Variants in GUCY2F observed in about 807,000 individuals in gnomAD.
GUCY2F encodes guanylate cyclase 2F, retinal.
In GUCY2F, 61 loss-of-function variants were observed where a neutral mutation model predicts 73.1. That is an observed-to-expected ratio of 0.83 (90% CI 0.68 to 1.03). The LOEUF (loss-of-function observed/expected upper bound fraction) is 1.03. Ranked by LOEUF, GUCY2F falls within the 50% of genes least tolerant of loss-of-function variation. GUCY2F has a pLI of 0.00. For missense variants in GUCY2F, 912 were observed against 854.3 expected, an observed-to-expected ratio of 1.07 and a Z score of -0.84; for synonymous variants, 331 against 307.8, an observed-to-expected ratio of 1.08 and a Z score of -0.79.
chrX:109,421,788 A>T (rs1055438927), intron 8 of GUCY2F, among the ~76,000 whole-genome samples: 2 of 111,529 alleles, frequency 1.8e-5, no homozygotes, highest in African/African-American at 6.5e-5. Context: ...TAGTTGCCTT[A>T]TTCATAAAAT....
intron 6 of GUCY2F, among the ~76,000 whole-genome samples, chrX:109,444,521 T>C (rs889583022): frequency 8.9e-6 from 1 of 111,953 alleles, no homozygotes; most frequent in Non-Finnish European, 1.9e-5. Context: ...AATTACAGTC[T>C]AGTGTCTTTA....
intron 8 of GUCY2F, among the ~76,000 whole-genome samples, chrX:109,429,481 G>C (rs1328269908): frequency 1.8e-5 from 2 of 110,946 alleles, no homozygotes; most frequent in Admixed American, 9.5e-5. Context: ...CTAACCTATA[G>C]GGCATGTCCT....
At chrX:109,445,554 G>A (rs1569369895) in intron 6 of GUCY2F, among the ~76,000 whole-genome samples, 1 of 111,846 alleles carries the variant, frequency 8.9e-6, no homozygotes, top group Non-Finnish European at 1.9e-5. Flanking sequence ...GGTATCCCAG[G>A]GATGAAGCCC....
intron 2 of GUCY2F, among the ~76,000 whole-genome samples, chrX:109,472,885 C>T (rs1932604143): frequency 8.9e-6 from 1 of 111,739 alleles, no homozygotes; most frequent in African/African-American, 3.3e-5. Context: ...ACACTCACTC[C>T]CCTTCCACCA....
At chrX:109,431,911 AAAAAAAAAAAAG>A (rs1406807035) in intron 7 of GUCY2F, among the ~76,000 whole-genome samples, 1 of 108,328 alleles carries the variant, frequency 9.2e-6, no homozygotes, top group African/African-American at 3.4e-5. Context: ...AGCTGGAAAA[AAAAAAAAAAAAG>A]AAAAAAAACT....
intron 5 of GUCY2F, among the ~76,000 whole-genome samples, chrX:109,450,410 G>A (rs1392848227): frequency 4.5e-5 from 5 of 111,355 alleles, no homozygotes; most frequent in African/African-American, 6.5e-5. Flanking sequence ...CAGTTGCGGC[G>A]GTTGACAAGT....
At chrX:109,441,741 C>T (rs775982624) in intron 6 of GUCY2F, among the ~76,000 whole-genome samples, 11 of 108,058 alleles carry the variant, frequency 1.0e-4, no homozygotes, top group Non-Finnish European at 1.9e-4. Context: ...CAGATGGGGG[C>T]AAGAAAGAAT....
intron 8 of GUCY2F, among the ~76,000 whole-genome samples, chrX:109,420,396 G>A (rs920118826): frequency 3.7e-5 from 4 of 107,566 alleles, no homozygotes; most frequent in Non-Finnish European, 5.8e-5. Context: ...AAGAAAGTAG[G>A]AGGGACAAAG....
At chrX:109,437,151 A>C (rs950680015) in intron 7 of GUCY2F, among the ~76,000 whole-genome samples, 1 of 111,135 alleles carries the variant, frequency 9.0e-6, no homozygotes, top group Non-Finnish European at 1.9e-5. Flanking sequence ...GTCCTCTTTA[A>C]CCTCTTTAGT....
intron 2 of GUCY2F, among the ~76,000 whole-genome samples, chrX:109,472,672 G>A (rs1191796823): frequency 8.9e-6 from 1 of 112,117 alleles, no homozygotes; most frequent in African/African-American, 3.2e-5. Context: ...TGTACTCACT[G>A]GCTTCTGGCT....
At chrX:109,431,357 G>A (rs1172551858) in intron 7 of GUCY2F, among the ~76,000 whole-genome samples, 3 of 111,904 alleles carry the variant, frequency 2.7e-5, no homozygotes, top group South Asian at 3.7e-4. Flanking sequence ...TTGTCATCAA[G>A]TAGAGATAAT....
intron 7 of GUCY2F, among the ~76,000 whole-genome samples, chrX:109,432,818 A>G (rs1332992535): frequency 8.9e-6 from 1 of 112,231 alleles, no homozygotes; most frequent in Non-Finnish European, 1.9e-5. Context: ...GTCAGGCTTT[A>G]GGAGAGGGGG....
At chrX:109,466,334 C>A (rs1051673518) in intron 2 of GUCY2F, among the ~76,000 whole-genome samples, 1 of 111,504 alleles carries the variant, frequency 9.0e-6, no homozygotes, top group Non-Finnish European at 1.9e-5. Flanking sequence ...ATTTCAGATT[C>A]TCAGATTAAG....
chrX:109,446,522 G>A (rs1932014715), intron 6 of GUCY2F, among the ~76,000 whole-genome samples: 1 of 110,027 alleles, frequency 9.1e-6, no homozygotes, highest in Non-Finnish European at 1.9e-5. Context: ...CAAGAAATGG[G>A]GAAAGGATTC....
At position 109,409,152 on chromosome X, in the gene GUCY2F, T is replaced by G; in HGVS notation, c.1808A>C (p.His603Pro). 9.0e-7 allele frequency: 1 copy of G among 1,107,551 alleles called. No homozygotes were observed. Among genetic ancestry groups the G allele is most frequent in the Non-Finnish European group, 1.2e-6 (1 of 802,043 alleles). 91.3% of individuals were successfully genotyped at this position (1,107,551 alleles called of 1,213,427 possible). A position where few individuals can be genotyped will look rare whatever the true frequency, so the allele number is the denominator to read the frequency against. Residue 603 changes from histidine (H) to proline (P), a missense_variant, in exon 9 of 20, where the codon CAT (histidine) becomes CCT (proline). By Grantham distance (77) the His-to-Pro change is moderately conservative. Transcript: ENST00000218006. ...ACCCAATAAAGGGTTAATATTCTCA[T>G]GACGCAAGTCCTTCATCTGGAAATG... Reference protein sequence around the residue: ...DVFEMMKDLRHENINPLLGFF... With the variant: ...DVFEMMKDLRPENINPLLGFF...
chrX:109,473,033 C>G, intron 2 of GUCY2F, among the ~76,000 whole-genome samples: 1 of 111,649 alleles, frequency 9.0e-6, no homozygotes, highest in East Asian at 2.8e-4. Flanking sequence ...CACAGCCCAA[C>G]CAATGGCTCA....
chrX:109,463,744 TCA>T (rs1298923986), intron 3 of GUCY2F, among the ~76,000 whole-genome samples: 1 of 111,470 alleles, frequency 9.0e-6, no homozygotes, highest in Non-Finnish European at 1.9e-5. Context: ...GCCGATTTCC[TCA>T]CTCTTAAAAA....
intron 7 of GUCY2F, among the ~76,000 whole-genome samples, chrX:109,434,249 T>A (rs1253711967): frequency 9.1e-6 from 1 of 110,454 alleles, no homozygotes; most frequent in East Asian, 2.9e-4. Flanking sequence ...TCACCCAGAC[T>A]GTAACTATTA....
chrX:109,376,224 A>G, intron 17 of GUCY2F, 57 bp from the exon 18 acceptor site: 1 of 873,554 alleles, frequency 1.1e-6, no homozygotes, highest in Admixed American at 2.3e-5. Context: ...TTCCAAAAGA[A>G]TATAAGCATT....
Sources: allele counts gnomAD v4.1 joint callset (sites outside exome capture counted in the v4.1 genomes callset), GRCh38; gene constraint gnomAD v4.1.1; transcripts MANE v1.5; gene names NCBI Gene and HGNC (gene_info 2026-07-23, HGNC 2026-07-21).